Variants in APBB1IP observed in about 807,000 individuals in gnomAD.
APBB1IP encodes amyloid beta A4 precursor protein-binding family B member 1-interacting protein.
In APBB1IP, 27 loss-of-function variants were observed where a neutral mutation model predicts 64.9. That is an observed-to-expected ratio of 0.42 (90% CI 0.31 to 0.57). APBB1IP has a LOEUF of 0.57. APBB1IP is among the 20% of genes least tolerant of loss of function. APBB1IP has a pLI of 0.20. For synonymous variants in APBB1IP, 392 were observed against 331.0 expected, an observed-to-expected ratio of 1.18 and a Z score of -2.00; for missense variants, 812 against 845.5, an observed-to-expected ratio of 0.96 and a Z score of 0.49.
At chr10:26,503,374 AC>A in intron 6 of APBB1IP, 100 bp downstream of exon 6, 1 of 1,132,648 alleles carries the variant, frequency 8.8e-7, no homozygotes, top group South Asian at 1.4e-5. Flanking sequence ...GGTGGCTCAC[AC>A]CTGTAATCCC....
intron 2 of APBB1IP, among the ~76,000 whole-genome samples, chr10:26,456,109 C>T (rs959807254): frequency 3.9e-5 from 6 of 152,026 alleles, no homozygotes; most frequent in East Asian, 3.9e-4. Context: ...GAGGAGTGAA[C>T]GGATACAGGG....
At chr10:26,479,441 T>A (rs1835811501) in intron 2 of APBB1IP, among the ~76,000 whole-genome samples, 1 of 152,132 alleles carries the variant, frequency 6.6e-6, no homozygotes, top group Non-Finnish European at 1.5e-5. Context: ...ATTTATAAAG[T>A]GTATAATTTA....
At chr10:26,479,564 A>C (rs1420962150) in intron 2 of APBB1IP, among the ~76,000 whole-genome samples, 1 of 152,216 alleles carries the variant, frequency 6.6e-6, no homozygotes, top group Admixed American at 6.5e-5. Context: ...TCTTTATTTT[A>C]CAGCATTATT....
chr10:26,455,279 C>T (rs1473317899), intron 2 of APBB1IP, among the ~76,000 whole-genome samples: 1 of 152,178 alleles, frequency 6.6e-6, no homozygotes, highest in Non-Finnish European at 1.5e-5. Flanking sequence ...CCTGTAATCC[C>T]AGCACTTTGG....
chr10:26,566,864 G>A (rs922830365), intron 14 of APBB1IP, 97 bp from the exon 15 acceptor site: 2 of 1,361,122 alleles, frequency 1.5e-6, no homozygotes, highest in Non-Finnish European at 1.9e-6. Context: ...CTCAGCCTGG[G>A]CGACAGAGTG....
chr10:26,505,273 G>T (rs1056208535), intron 6 of APBB1IP, among the ~76,000 whole-genome samples: 1 of 152,140 alleles, frequency 6.6e-6, no homozygotes, highest in Non-Finnish European at 1.5e-5. Flanking sequence ...GACTTTCAAG[G>T]TTCATCTAGG....
At chr10:26,452,338 A>G (rs1206680126) in intron 2 of APBB1IP, among the ~76,000 whole-genome samples, 1 of 152,232 alleles carries the variant, frequency 6.6e-6, no homozygotes, top group Non-Finnish European at 1.5e-5. Flanking sequence ...TACATGGTGC[A>G]TGTCACACAC....
intron 5 of APBB1IP, 103 bp from the exon 6 acceptor site, chr10:26,503,094 C>G (rs1342033653): frequency 9.3e-7 from 1 of 1,071,686 alleles, no homozygotes; most frequent in Non-Finnish European, 1.3e-6. Flanking sequence ...AATTTGGTAC[C>G]TTTTGTTAAT....
At chr10:26,460,473 G>A (rs1835576554) in intron 2 of APBB1IP, among the ~76,000 whole-genome samples, 1 of 152,068 alleles carries the variant, frequency 6.6e-6, no homozygotes, top group Non-Finnish European at 1.5e-5. Flanking sequence ...CCTCACAGTA[G>A]GATGTTATAT....
intron 7 of APBB1IP, 58 bp from the exon 8 acceptor site, chr10:26,513,481 C>G: frequency 6.3e-7 from 1 of 1,593,846 alleles, no homozygotes; most frequent in Non-Finnish European, 8.5e-7. Flanking sequence ...TAGCTTGTTT[C>G]TCACTTGGAA....
intron 6 of APBB1IP, among the ~76,000 whole-genome samples, chr10:26,509,029 T>C (rs1836219636): frequency 6.6e-6 from 1 of 152,228 alleles, no homozygotes; most frequent in Admixed American, 6.5e-5. Context: ...TAGTGTGTCT[T>C]AGCACATGTA....
At chr10:26,518,401 C>T (rs916515361) in intron 8 of APBB1IP, among the ~76,000 whole-genome samples, 5 of 152,046 alleles carry the variant, frequency 3.3e-5, no homozygotes, top group Non-Finnish European at 7.4e-5. Flanking sequence ...GCACTCACCA[C>T]CACACCTGGC....
At chr10:26,460,365 A>G (rs1175235751) in intron 2 of APBB1IP, among the ~76,000 whole-genome samples, 1 of 152,206 alleles carries the variant, frequency 6.6e-6, no homozygotes, top group African/African-American at 2.4e-5. Context: ...GTCCATCTCA[A>G]ATTGTCCTCC....
chr10:26,541,674 C>T lies in APBB1IP; in HGVS notation c.1137C>T (p.Asp379=). The T allele has an allele frequency of 6.2e-7, 1 of 1,606,392 alleles. No homozygotes were observed. Among genetic ancestry groups the T allele is most frequent in the Non-Finnish European group, 8.5e-7 (1 of 1,175,940 alleles). The change falls in exon 11 of 15, where the codon GAC becomes GAT. Residue 379 remains aspartate, a synonymous_variant. Transcript: ENST00000376236. ...QHKMKYKAPT[D]YCFVLKHPQI... is the part of the protein sequence containing the mutation. ...AAATGAAATATAAAGCGCCCACTGA[C>T]TATTGCTTTGTTTTAAAGGTATGTT...
chr10:26,556,427 C>T (rs1328524819), intron 11 of APBB1IP, among the ~76,000 whole-genome samples: 4 of 152,096 alleles, frequency 2.6e-5, no homozygotes, highest in Non-Finnish European at 2.9e-5. Flanking sequence ...TGCTAGAGAC[C>T]TTAGAGGTCA....
chr10:26,509,781 T>C (rs1836229213), intron 6 of APBB1IP: 1 of 152,322 alleles, frequency 6.6e-6, no homozygotes, highest in East Asian at 1.9e-4. Flanking sequence ...TCAGTCCATC[T>C]AATCACTTTT....
chr10:26,530,051 C>G (rs1217265904), intron 8 of APBB1IP, among the ~76,000 whole-genome samples: 1 of 152,116 alleles, frequency 6.6e-6, no homozygotes, highest in Non-Finnish European at 1.5e-5. Context: ...TGAAATCACT[C>G]TTGTATGAAT....
chr10:26,441,983 AG>A (rs1835342870), intron 2 of APBB1IP, among the ~76,000 whole-genome samples: 1 of 152,242 alleles, frequency 6.6e-6, no homozygotes, highest in African/African-American at 2.4e-5. Context: ...AAACTTACGC[AG>A]GAAGTAAGAA....
intron 8 of APBB1IP, among the ~76,000 whole-genome samples, chr10:26,532,538 G>A (rs190073897): frequency 9.2e-5 from 14 of 152,060 alleles, no homozygotes; most frequent in African/African-American, 3.4e-4. Flanking sequence ...CTGGAGTGCA[G>A]TGGAGTGATC....
Sources: gnomAD v4.1 joint callset for allele counts (sites outside exome capture counted in the v4.1 genomes callset) on GRCh38, gnomAD v4.1.1 for gene constraint, MANE v1.5 for transcripts, NCBI Gene and HGNC (gene_info 2026-07-23, HGNC 2026-07-21) for gene names.